MCF2: variants seen among roughly 807,000 people sequenced by gnomAD.
The protein encoded by MCF2 is MCF.2 cell line derived transforming sequence, also known as proto-oncogene DBL.
Under a neutral mutation model 82.5 loss-of-function variants are expected in MCF2, and 44 were observed. The observed-to-expected ratio is 0.53, with a 90% confidence interval of 0.42 to 0.69. MCF2 has a LOEUF of 0.69. Ranked by LOEUF, MCF2 falls within the 30% of genes least tolerant of loss-of-function variation. The pLI is 0.00. For missense variants in MCF2, 623 were observed against 663.1 expected (o/e 0.94, Z 0.66); for synonymous variants, 217 against 224.9 (o/e 0.96, Z 0.32).
rs1042542151 is a variant in MCF2, at chrX:139,615,064, A to G, written c.1192-12T>C. On this transcript the variant is annotated splice_polypyrimidine_tract_variant and intron_variant, in intron 9 of 24. Transcript: ENST00000370576. ...GTCTTCATTTGAACCTGCGAGTTGTATAAGAATTATAGGAAATATTTTATG... is the reference window on the plus strand; with the variant it reads ...GTCTTCATTTGAACCTGCGAGTTGTGTAAGAATTATAGGAAATATTTTATG... The G allele has an allele frequency of 1.7e-6, 2 of 1,169,235 alleles. No homozygotes were observed. The highest frequency in any genetic ancestry group is 2.2e-5 in the Admixed American group (1 of 44,765).
chrX:139,707,849 C>G (rs1174438753), intron 1 of MCF2, among the ~76,000 whole-genome samples: 3 of 111,835 alleles, frequency 2.7e-5, no homozygotes, highest in African/African-American at 9.8e-5. Flanking sequence ...AAAAACTGAA[C>G]AGTAGACAAA....
Position 139,631,313 on chromosome X carries a change from A to T in MCF2, c.288+82T>A. ...TGTTTTGTTTTGTTTTGTTTTTTTC[A>T]AATAGGAAAGAATTCTAGAACTAGA... On this transcript the variant is annotated intron_variant, in intron 3 of 24. Coordinates refer to ENST00000370576, the Ensembl canonical transcript of MCF2. 3 of 538,160 alleles carry T rather than the reference A, an allele frequency of 5.6e-6. No homozygotes were observed. In the South Asian group the frequency reaches 1.5e-4, roughly 27 times the overall value. 44.4% of individuals were successfully genotyped at this position (538,160 alleles called of 1,213,427 possible).
At chrX:139,632,214 T>G in intron 2 of MCF2, 121 bp downstream of exon 5, 1 of 467,247 alleles carries the variant, frequency 2.1e-6, no homozygotes, top group Non-Finnish European at 3.1e-6. Flanking sequence ...ATGTATACTT[T>G]TAAAAGACAT....
chrX:139,619,757 T>C (rs1304429541), intron 6 of MCF2, 51 bp from the exon 10 acceptor site: 2 of 972,828 alleles, frequency 2.1e-6, no homozygotes, highest in African/African-American at 4.0e-5. Context: ...TATCCCCTTA[T>C]GATCAAGTTT....
rs767952667 is a variant in MCF2 at position 139,587,414 on chromosome X, GA to G, written c.2522+301del. On this transcript the variant is annotated intron_variant, in intron 22 of 24. Transcript: ENST00000370576. ...GATCAAAGGTGACCAAAAATACTTT[GA>G]AAAAAAAAGCTTATGAGCACAGCCT... Among the ~76,000 whole-genome samples, 233 of 107,476 alleles carry G rather than the reference GA, an allele frequency of 2.2e-3. 2 individuals are homozygous for G. The highest frequency in any genetic ancestry group is 7.5e-3 in the African/African-American group (223 of 29,542). The allele number at this position is 107,476 out of a possible 115,157, so 93.3% of individuals were successfully genotyped here.
At chrX:139,620,034 T>C (rs971569345) in intron 6 of MCF2, among the ~76,000 whole-genome samples, 11 of 107,908 alleles carry the variant, frequency 1.0e-4, no homozygotes, top group Admixed American at 6.1e-4. Context: ...TGTGTATATA[T>C]ATATAGCAAA....
At chrX:139,684,463 T>A (rs1249108617) in intron 1 of MCF2, among the ~76,000 whole-genome samples, 1 of 111,778 alleles carries the variant, frequency 8.9e-6, no homozygotes, top group Non-Finnish European at 1.9e-5. Flanking sequence ...GACCTAGCAA[T>A]TTCCACACCT....
intron 1 of MCF2, among the ~76,000 whole-genome samples, chrX:139,684,500 C>T (rs1014925534): frequency 2.7e-5 from 3 of 111,708 alleles, no homozygotes; most frequent in African/African-American, 9.8e-5. Flanking sequence ...GAAATGAAAA[C>T]ATATGTCCAC....
At chrX:139,617,472 T>C in intron 8 of MCF2, 41 bp downstream of exon 11, 3 of 1,066,203 alleles carry the variant, frequency 2.8e-6, no homozygotes, top group Non-Finnish European at 3.7e-6. Flanking sequence ...GAAAAAAATG[T>C]GTGTTCCTTT....
intron 1 of MCF2, 92 bp from the exon 5 acceptor site, chrX:139,632,546 C>G: frequency 1.3e-6 from 1 of 741,653 alleles, no homozygotes; most frequent in Non-Finnish European, 1.9e-6. Context: ...CTGAAGGAAA[C>G]AAATTTTAAA....
In MCF2 at chrX:139,586,367, A is replaced by G. The variant is rs766223259; in HGVS notation, c.2632+11T>C. ...CCATGAGTCTCGTCTTAAGATGACC[A>G]TGACACATACCTGTATTTGCTTCTG... On this transcript the variant is annotated intron_variant, in intron 23 of 24. Coordinates refer to ENST00000370576, the Ensembl canonical transcript of MCF2. 26 of 1,168,590 alleles carry G rather than the reference A, an allele frequency of 2.2e-5. No individual in the cohort carries two copies. The highest frequency in any genetic ancestry group is 2.4e-5 in the Non-Finnish European group (21 of 858,188).
chrX:139,652,666 G>C (rs888217717), intron 1 of MCF2, among the ~76,000 whole-genome samples: 4 of 111,273 alleles, frequency 3.6e-5, no homozygotes, highest in Non-Finnish European at 7.5e-5. Context: ...AAGAAAACGG[G>C]TCATCAAACT....
At chrX:139,671,096 C>A (rs1223196938) in intron 1 of MCF2, among the ~76,000 whole-genome samples, 8 of 112,274 alleles carry the variant, frequency 7.1e-5, no homozygotes, top group Non-Finnish European at 1.1e-4. Context: ...TGTCTGTTGG[C>A]TGCATAAATG....
At chrX:139,594,917 G>C (rs1296232840) in intron 19 of MCF2, among the ~76,000 whole-genome samples, 3 of 111,081 alleles carry the variant, frequency 2.7e-5, no homozygotes, top group Non-Finnish European at 5.7e-5. Flanking sequence ...GTGGGCGAAG[G>C]ACATGAACAG....
intron 1 of MCF2, among the ~76,000 whole-genome samples, chrX:139,669,349 G>A (rs1359913811): frequency 2.7e-5 from 3 of 112,105 alleles, no homozygotes; most frequent in Non-Finnish European, 5.6e-5. Flanking sequence ...TCACACCCAA[G>A]AGGATGTCTG....
chrX:139,591,455 T>C (rs780941273), intron 19 of MCF2, among the ~76,000 whole-genome samples: 2 of 111,100 alleles, frequency 1.8e-5, no homozygotes, highest in African/African-American at 3.3e-5. Flanking sequence ...GTGTTGCACA[T>C]AGTAAGGACT....
chrX:139,691,966 C>T (rs1428899919), intron 1 of MCF2: 2 of 1,164,947 alleles, frequency 1.7e-6, no homozygotes, highest in Admixed American at 5.2e-5. Flanking sequence ...CCGTACTTCT[C>T]GGCAATCCTC....
intron 1 of MCF2, among the ~76,000 whole-genome samples, chrX:139,702,899 A>G (rs988498883): frequency 1.8e-5 from 2 of 112,211 alleles, no homozygotes; most frequent in Admixed American, 9.4e-5. Context: ...AGGCTGCCAG[A>G]TAAGTCTTTG....
chrX:139,652,492 T>C (rs1934060313), intron 1 of MCF2, among the ~76,000 whole-genome samples: 1 of 111,819 alleles, frequency 8.9e-6, no homozygotes, highest in Admixed American at 9.5e-5. Flanking sequence ...TAACTCATTT[T>C]TTATCATTAC....
Sources: allele counts gnomAD v4.1 joint callset (sites outside exome capture counted in the v4.1 genomes callset), GRCh38; gene constraint gnomAD v4.1.1; transcripts MANE v1.5; gene names NCBI Gene and HGNC (gene_info 2026-07-23, HGNC 2026-07-21).